Variants in ENOX1 observed in about 807,000 individuals in gnomAD.
ENOX1 encodes candidate growth-related and time keeping constitutive hydroquinone (NADH) oxidase.
ENOX1 carries 42 observed loss-of-function variants against 82.5 expected under a neutral mutation model. That is an observed-to-expected ratio of 0.51 (90% confidence interval 0.40 to 0.66). ENOX1 has a LOEUF of 0.66. Ranked by LOEUF, ENOX1 falls within the 30% of genes least tolerant of loss-of-function variation. ENOX1 has a pLI of 0.00. For synonymous variants in ENOX1, 271 were observed against 282.2 expected, an observed-to-expected ratio of 0.96 and a Z score of 0.40; for missense variants, 608 against 811.6, an observed-to-expected ratio of 0.75 and a Z score of 3.05.
intron 9 of ENOX1, among the ~76,000 whole-genome samples, chr13:43,341,244 C>T (rs377567329): frequency 3.3e-5 from 5 of 151,042 alleles, no homozygotes; most frequent in East Asian, 1.9e-4. Context: ...TGCAGTGAGC[C>T]GAGATTGCAC....
chr13:43,589,525 A>G (rs1315024036), intron 2 of ENOX1, among the ~76,000 whole-genome samples: 1 of 152,178 alleles, frequency 6.6e-6, no homozygotes. Context: ...ACTATTATCA[A>G]GATAGGGTGT....
chr13:43,403,999 T>C (rs186849932), intron 5 of ENOX1, among the ~76,000 whole-genome samples: 5 of 152,170 alleles, frequency 3.3e-5, no homozygotes, highest in African/African-American at 7.2e-5. Context: ...TCCAGTCCCA[T>C]TGGATGTATC....
intron 1 of ENOX1, among the ~76,000 whole-genome samples, chr13:43,777,063 T>C (rs1213697759): frequency 1.3e-5 from 2 of 152,218 alleles, no homozygotes; most frequent in South Asian, 2.1e-4. Context: ...AAGAAGCTCC[T>C]TTTACAATAG....
chr13:43,258,914 GA>G (rs1206275898), intron 14 of ENOX1, among the ~76,000 whole-genome samples: 1 of 152,222 alleles, frequency 6.6e-6, no homozygotes, highest in East Asian at 1.9e-4. Context: ...AATGAGGCCT[GA>G]TGGAATGAAA....
intron 1 of ENOX1, among the ~76,000 whole-genome samples, chr13:43,738,730 T>TC (rs2089751333): frequency 3.8e-5 from 1 of 26,546 alleles, no homozygotes; most frequent in Non-Finnish European, 2.3e-4. Context: ...ATTTTTTTGT[T>TC]CCCAAACTCT....
At chr13:43,281,759 G>A (rs1028467805) in intron 12 of ENOX1, among the ~76,000 whole-genome samples, 4 of 152,264 alleles carry the variant, frequency 2.6e-5, no homozygotes, top group South Asian at 4.2e-4. Context: ...GTAGAAATAC[G>A]GGAGGGATAA....
At chr13:43,626,382 T>C (rs2082962524) in intron 2 of ENOX1, among the ~76,000 whole-genome samples, 1 of 151,892 alleles carries the variant, frequency 6.6e-6, no homozygotes, top group African/African-American at 2.4e-5. Flanking sequence ...TTGTTTTGTT[T>C]TAGTTTTTTG....
At chr13:43,422,080 T>C (rs1282859598) in intron 3 of ENOX1, among the ~76,000 whole-genome samples, 1 of 152,056 alleles carries the variant, frequency 6.6e-6, no homozygotes, top group Non-Finnish European at 1.5e-5. Context: ...GGGATTTTTC[T>C]TGTATACTAG....
chr13:43,537,317 C>A (rs540496012), intron 2 of ENOX1, among the ~76,000 whole-genome samples: 1 of 152,278 alleles, frequency 6.6e-6, no homozygotes, highest in African/African-American at 2.4e-5. Flanking sequence ...AGTGAAGGCA[C>A]AGCAACTGGA....
chr13:43,691,982 G>A (rs892238549), intron 1 of ENOX1, among the ~76,000 whole-genome samples: 2 of 152,158 alleles, frequency 1.3e-5, no homozygotes, highest in African/African-American at 4.8e-5. Flanking sequence ...TTATAGGCAT[G>A]AGCCACCGTG....
chr13:43,763,719 T>C, intron 1 of ENOX1, among the ~76,000 whole-genome samples: 1 of 152,290 alleles, frequency 6.6e-6, no homozygotes, highest in African/African-American at 2.4e-5. Flanking sequence ...GAATAGAACT[T>C]CATGTCCTAT....
intron 1 of ENOX1, among the ~76,000 whole-genome samples, chr13:43,757,049 T>C (rs1466705): frequency 0.1 from 15,481 of 149,082 alleles, 1,400 homozygotes; most frequent in African/African-American, 0.24. Context: ...AACATAGACA[T>C]ATAATATTGA....
chr13:43,439,039 A>AACTTT (rs1566220724), intron 3 of ENOX1, among the ~76,000 whole-genome samples: 1 of 121,740 alleles, frequency 8.2e-6, no homozygotes, highest in Non-Finnish European at 1.9e-5. Flanking sequence ...CTGTCTTTTA[A>AACTTT]TCTTTTTTTT....
chr13:43,496,657 T>C (rs1566379909), intron 2 of ENOX1, among the ~76,000 whole-genome samples: 1 of 152,138 alleles, frequency 6.6e-6, no homozygotes, highest in Non-Finnish European at 1.5e-5. Flanking sequence ...GTTGGGATTA[T>C]AGGCATGAGT....
At chr13:43,651,121 T>G (rs2084147991) in intron 2 of ENOX1, among the ~76,000 whole-genome samples, 1 of 152,080 alleles carries the variant, frequency 6.6e-6, no homozygotes, top group African/African-American at 2.4e-5. Flanking sequence ...GGGACCTCTG[T>G]GGTTAGAGTT....
At chr13:43,434,772 C>T (rs1171672017) in intron 3 of ENOX1, among the ~76,000 whole-genome samples, 2 of 151,946 alleles carry the variant, frequency 1.3e-5, no homozygotes, top group African/African-American at 4.8e-5. Flanking sequence ...AAAATGAGTA[C>T]TTTATTGAAC....
intron 1 of ENOX1, among the ~76,000 whole-genome samples, chr13:43,669,950 C>T (rs567661727): frequency 6.6e-6 from 1 of 152,242 alleles, no homozygotes; most frequent in East Asian, 1.9e-4. Context: ...TTTCATTCTA[C>T]CCCTGGTTCT....
At chr13:43,639,827 G>A (rs1005034512) in intron 2 of ENOX1, among the ~76,000 whole-genome samples, 2 of 152,122 alleles carry the variant, frequency 1.3e-5, no homozygotes, top group South Asian at 2.1e-4. Flanking sequence ...CCAGGAGTTC[G>A]AGATTATCCT....
intron 9 of ENOX1, 82 bp downstream of exon 9, chr13:43,344,456 A>T: frequency 8.9e-7 from 1 of 1,121,446 alleles, no homozygotes; most frequent in Non-Finnish European, 1.3e-6. Context: ...TGAACTACTT[A>T]CCCCCAAATG....
Sources: allele counts gnomAD v4.1 joint callset (sites outside exome capture counted in the v4.1 genomes callset), GRCh38; gene constraint gnomAD v4.1.1; transcripts MANE v1.5; gene names NCBI Gene and HGNC (gene_info 2026-07-23, HGNC 2026-07-21).